RFX3: variants seen among roughly 807,000 people sequenced by gnomAD.
The protein encoded by RFX3 is transcription factor RFX3.
A neutral mutation model predicts 98.6 loss-of-function variants in RFX3; 14 were observed. That is an observed-to-expected ratio of 0.14 (90% CI 0.09 to 0.22). The LOEUF (loss-of-function observed/expected upper bound fraction) is 0.22. Among genes scored for constraint, RFX3 ranks in the 10% least tolerant of loss-of-function variants. The pLI, the probability that RFX3 is intolerant of heterozygous loss-of-function variation, is 1.00. For synonymous variants in RFX3, 383 were observed against 328.4 expected (o/e 1.17, Z -1.80); for missense variants, 639 against 926.9 (o/e 0.69, Z 4.03).
intron 1 of RFX3, among the ~76,000 whole-genome samples, chr9:3,422,240 T>A (rs1438009760): frequency 6.6e-6 from 1 of 152,200 alleles, no homozygotes; most frequent in Non-Finnish European, 1.5e-5. Context: ...CTAGTCTTGT[T>A]TCAGCCCAGC....
At chr9:3,249,031 T>C (rs1821040176) in intron 14 of RFX3, among the ~76,000 whole-genome samples, 1 of 151,834 alleles carries the variant, frequency 6.6e-6, no homozygotes, top group Non-Finnish European at 1.5e-5. Context: ...CAGAGTGATG[T>C]GTGTGTGTGA....
rs1817447546 is a variant in RFX3, at chr9:3,223,266, T to A, written c.*1776A>T. 1 of 152,152 alleles carries A rather than the reference T, an allele frequency of 6.6e-6. No homozygotes were observed. The highest frequency in any genetic ancestry group is 2.1e-4 in the South Asian group (1 of 4,832). 9.4% of individuals were successfully genotyped at this position (152,152 alleles called of 1,614,324 possible). On this transcript the variant is annotated 3_prime_UTR_variant, in exon 17 of 17. Transcript: ENST00000617270. ...TGTTTTAATCATTAAATAATTTGAG[T>A]GCTTAAAAGAACCTTGGCTTTTCAT...
intron 2 of RFX3, among the ~76,000 whole-genome samples, chr9:3,361,633 G>C (rs1836460080): frequency 8.4e-6 from 1 of 118,578 alleles, no homozygotes; most frequent in Admixed American, 9.9e-5. Context: ...ACCAGCCTGA[G>C]AAACATAGTG....
chr9:3,232,197 T>C (rs1005629251), intron 15 of RFX3, among the ~76,000 whole-genome samples: 1 of 152,218 alleles, frequency 6.6e-6, no homozygotes, highest in Non-Finnish European at 1.5e-5. Context: ...ACTTACTGTT[T>C]TGTAATTTCT....
Position 3,376,780 on chromosome 9 carries a change from A to G in RFX3, c.117+18692T>C, listed in dbSNP as rs56357257. On this transcript the variant is annotated intron_variant, in intron 2 of 16. Coordinates refer to ENST00000617270, the MANE Select transcript of RFX3 (RefSeq NM_001282116.2). ...CAAACAACCCCATCAAAAAGTGGGCAAAGGACATGAACAGACACTTCTCAA... is the reference window on the plus strand; with the variant it reads ...CAAACAACCCCATCAAAAAGTGGGCGAAGGACATGAACAGACACTTCTCAA... Among the ~76,000 whole-genome samples, 414 of 152,312 alleles carry G rather than the reference A, an allele frequency of 2.7e-3. 1 individual carries two copies. Among genetic ancestry groups the G allele is most frequent in the African/African-American group, 9.5e-3 (394 of 41,560 alleles).
chr9:3,235,370 A>G (rs182275687), intron 15 of RFX3, among the ~76,000 whole-genome samples: 1 of 152,338 alleles, frequency 6.6e-6, no homozygotes, highest in East Asian at 1.9e-4. Flanking sequence ...GGAAAAAATA[A>G]TATACTGGAG....
chr9:3,389,888 C>T (rs1840119698), intron 2 of RFX3, among the ~76,000 whole-genome samples: 1 of 152,138 alleles, frequency 6.6e-6, no homozygotes, highest in Non-Finnish European at 1.5e-5. Flanking sequence ...TCGCCCTGTA[C>T]ATAGTAAGAT....
intron 15 of RFX3, among the ~76,000 whole-genome samples, chr9:3,244,735 C>A (rs1820414196): frequency 6.6e-6 from 1 of 152,186 alleles, no homozygotes; most frequent in African/African-American, 2.4e-5. Flanking sequence ...AGATTTAGGG[C>A]CTCAAGCTTT....
intron 1 of RFX3, among the ~76,000 whole-genome samples, chr9:3,504,973 T>TAATATAATATATATTA: frequency 1.3e-5 from 1 of 78,828 alleles, no homozygotes; most frequent in African/African-American, 5.3e-5. Context: ...ATAATATATA[T>TAATATAATATATATTA]TATATAATAT....
At chr9:3,309,729 T>G (rs1270555554) in intron 4 of RFX3, among the ~76,000 whole-genome samples, 1 of 152,192 alleles carries the variant, frequency 6.6e-6, no homozygotes, top group Non-Finnish European at 1.5e-5. Context: ...AAAAACACAT[T>G]TTCCCTATTA....
chr9:3,352,280 A>G (rs3012676), intron 2 of RFX3, among the ~76,000 whole-genome samples: 2,335 of 152,118 alleles, frequency 0.015, 56 homozygotes, highest in African/African-American at 0.053. Context: ...ATATCAGCAT[A>G]TATGTTCGTA....
intron 1 of RFX3, among the ~76,000 whole-genome samples, chr9:3,504,866 TATATTATATATATTATATATA>T (rs1816653628): frequency 4.0e-5 from 3 of 74,966 alleles, no homozygotes; most frequent in Non-Finnish European, 6.2e-5. Context: ...TGATATAATA[TATATTATATATATTATATATA>T]ATATAACATA....
chr9:3,327,327 T>G (rs1409012053), intron 4 of RFX3, among the ~76,000 whole-genome samples: 1 of 152,138 alleles, frequency 6.6e-6, no homozygotes, highest in East Asian at 1.9e-4. Flanking sequence ...CTTTGTTAAT[T>G]TTACTACAGT....
chr9:3,464,695 C>A (rs530147603), intron 1 of RFX3, among the ~76,000 whole-genome samples: 1 of 152,196 alleles, frequency 6.6e-6, no homozygotes, highest in African/African-American at 2.4e-5. Context: ...AATGGTGGAA[C>A]ACAATTGTAT....
chr9:3,401,870 C>A (rs966720400), intron 1 of RFX3, among the ~76,000 whole-genome samples: 4 of 152,122 alleles, frequency 2.6e-5, no homozygotes, highest in Non-Finnish European at 1.5e-5. Flanking sequence ...CTAATTAACC[C>A]CTACGAGAAG....
Position 3,398,022 on chromosome 9 carries a change from G to T in RFX3, c.-8-2426C>A, listed in dbSNP as rs1265017391. 1.6e-4 allele frequency among the ~76,000 whole-genome samples: 24 copies of T among 152,164 alleles called. 1 individual carries two copies. Among genetic ancestry groups the T allele is most frequent in the Admixed American group, 1.6e-3 (24 of 15,266 alleles). On this transcript the variant is annotated intron_variant, in intron 1 of 16. Coordinates refer to ENST00000617270, the MANE Select transcript of RFX3 (RefSeq NM_001282116.2). ...AGCTAATGCTCAGCTCCAGCATATTGTGAGTATGTGGGAAACTTCCTTCCA... is the reference window on the plus strand; with the variant it reads ...AGCTAATGCTCAGCTCCAGCATATTTTGAGTATGTGGGAAACTTCCTTCCA...
At chr9:3,332,295 T>C (rs867170978) in intron 3 of RFX3, among the ~76,000 whole-genome samples, 14 of 152,184 alleles carry the variant, frequency 9.2e-5, no homozygotes, top group Non-Finnish European at 1.6e-4. Flanking sequence ...TATCTAAATA[T>C]GAAATTCAAT....
chr9:3,335,573 C>A (rs1335404615), intron 3 of RFX3, among the ~76,000 whole-genome samples: 2 of 152,066 alleles, frequency 1.3e-5, no homozygotes, highest in Non-Finnish European at 2.9e-5. Flanking sequence ...TAGATAAATC[C>A]CCAAGCAATT....
chr9:3,517,068 G>C (rs939198692), intron 1 of RFX3, among the ~76,000 whole-genome samples: 8 of 152,208 alleles, frequency 5.3e-5, no homozygotes, highest in Non-Finnish European at 1.2e-4. Context: ...GAAACAATAA[G>C]CAAACAACTT....
Sources: allele counts gnomAD v4.1 joint callset (sites outside exome capture counted in the v4.1 genomes callset), GRCh38; gene constraint gnomAD v4.1.1; transcripts MANE v1.5; gene names NCBI Gene and HGNC (gene_info 2026-07-23, HGNC 2026-07-21).